Variants in NALF1 observed in about 807,000 individuals in gnomAD.
NALF1 encodes family with sequence similarity 155 member A.
NALF1 carries 3 observed loss-of-function variants against 48.4 expected under a neutral mutation model. That is an observed-to-expected ratio of 0.06 (90% confidence interval 0.03 to 0.16). NALF1 has a LOEUF of 0.16. NALF1 is among the 10% of genes least tolerant of loss of function. The probability of loss-of-function intolerance (pLI) is 1.00; values close to 1 mark genes in which losing one functional copy is unlikely to be tolerated. For synonymous variants in NALF1, 262 were observed against 245.7 expected, an observed-to-expected ratio of 1.07 and a Z score of -0.62; for missense variants, 526 against 571.5, an observed-to-expected ratio of 0.92 and a Z score of 0.81.
chr13:107,305,285 A>G (rs908681665), intron 1 of NALF1, among the ~76,000 whole-genome samples: 2 of 152,220 alleles, frequency 1.3e-5, no homozygotes, highest in African/African-American at 4.8e-5. Context: ...ATAATAAGTC[A>G]TAAAATCTCA....
intron 1 of NALF1, among the ~76,000 whole-genome samples, chr13:107,614,520 G>T (rs1236557417): frequency 6.6e-6 from 1 of 152,156 alleles, no homozygotes; most frequent in Non-Finnish European, 1.5e-5. Context: ...CAATAAGGCT[G>T]ATATGAAGAT....
At chr13:107,590,477 C>T (rs925210974) in intron 1 of NALF1, among the ~76,000 whole-genome samples, 23 of 151,920 alleles carry the variant, frequency 1.5e-4, no homozygotes, top group African/African-American at 4.8e-4. Context: ...TATAATAAAC[C>T]ATCTCCATTT....
At chr13:107,284,772 C>A (rs1332035218) in intron 1 of NALF1, among the ~76,000 whole-genome samples, 1 of 152,162 alleles carries the variant, frequency 6.6e-6, no homozygotes, top group Non-Finnish European at 1.5e-5. Flanking sequence ...CATGTGGGCA[C>A]AGAGCATGAC....
At chr13:107,294,170 A>G in intron 1 of NALF1, among the ~76,000 whole-genome samples, 1 of 152,154 alleles carries the variant, frequency 6.6e-6, no homozygotes, top group East Asian at 1.9e-4. Context: ...CCAGTCAAGG[A>G]ACATAGGGAA....
intron 1 of NALF1, among the ~76,000 whole-genome samples, chr13:107,611,490 T>C (rs576024379): frequency 1.8e-5 from 2 of 112,906 alleles, no homozygotes; most frequent in African/African-American, 6.5e-5. Flanking sequence ...ACATGGAATA[T>C]TATTGTAGCA....
intron 1 of NALF1, among the ~76,000 whole-genome samples, chr13:107,740,691 CTT>C (rs34091717): frequency 0.026 from 3,960 of 152,264 alleles, 60 homozygotes; most frequent in African/African-American, 0.046. Context: ...AATGTGCTCA[CTT>C]TGTTTCTGTG....
chr13:107,544,636 C>A (rs2139122705), intron 1 of NALF1, among the ~76,000 whole-genome samples: 2 of 152,212 alleles, frequency 1.3e-5, no homozygotes, highest in Middle Eastern at 3.4e-3. Context: ...TAGCCATGAC[C>A]CTTCACAGGA....
intron 1 of NALF1, among the ~76,000 whole-genome samples, chr13:107,234,765 G>A (rs1880305721): frequency 6.6e-6 from 1 of 152,002 alleles, no homozygotes; most frequent in African/African-American, 2.4e-5. Context: ...CTTCTCCTTT[G>A]CTTTAAGAAT....
At chr13:107,478,286 G>A (rs1014319041) in intron 1 of NALF1, among the ~76,000 whole-genome samples, 7 of 152,118 alleles carry the variant, frequency 4.6e-5, no homozygotes, top group Non-Finnish European at 7.4e-5. Flanking sequence ...AATACTTGTT[G>A]AAATGAATGT....
chr13:107,436,604 A>C (rs1385699166), intron 1 of NALF1, among the ~76,000 whole-genome samples: 2 of 152,130 alleles, frequency 1.3e-5, no homozygotes, highest in Non-Finnish European at 2.9e-5. Flanking sequence ...TCTACCAAAA[A>C]ATTAACAACT....
At chr13:107,293,278 C>A (rs181583494) in intron 1 of NALF1, among the ~76,000 whole-genome samples, 3 of 152,238 alleles carry the variant, frequency 2.0e-5, no homozygotes, top group Admixed American at 2.0e-4. Context: ...CCGCGCTCAG[C>A]CAACTCTGTT....
rs143519832 is a variant in NALF1, at chr13:107,374,804, A to G, written c.916-164049T>C. ...GTTTGGGCCCCTCTTGAACTCTCTC[A>G]CTCTCTCTCCCATGTTATGCTTTCC... On this transcript the variant is annotated intron_variant, in intron 1 of 2. Transcript: ENST00000375915. Among the ~76,000 whole-genome samples the G allele has an allele frequency of 1.9e-3, 291 of 151,956 alleles. 4 individuals are homozygous for G. Among genetic ancestry groups the G allele is most frequent in the African/African-American group, 6.6e-3 (274 of 41,446 alleles).
At chr13:107,226,739 C>T (rs1880115092) in intron 1 of NALF1, among the ~76,000 whole-genome samples, 1 of 152,194 alleles carries the variant, frequency 6.6e-6, no homozygotes. Flanking sequence ...GCACTCACTG[C>T]ATGCCAGCAA....
At chr13:107,598,543 T>C (rs1036599095) in intron 1 of NALF1, among the ~76,000 whole-genome samples, 1 of 152,194 alleles carries the variant, frequency 6.6e-6, no homozygotes, top group Non-Finnish European at 1.5e-5. Flanking sequence ...TTAATGTGTC[T>C]AAAACCAAAG....
chr13:107,646,290 TAA>T (rs80217872), intron 1 of NALF1, among the ~76,000 whole-genome samples: 6 of 132,302 alleles, frequency 4.5e-5, no homozygotes. Flanking sequence ...GCCAACTTCT[TAA>T]AAAAAAAAAA....
At position 107,539,485 on chromosome 13, in the gene NALF1, T is replaced by C. The variant is rs1345967115; in HGVS notation, c.915+326197A>G. Reference sequence around the variant, plus strand: ...GAGATTAGATTTCCAACACATGAATTTGGGGAACACATTCAAACACCTTCA... The same window carrying C: ...GAGATTAGATTTCCAACACATGAATCTGGGGAACACATTCAAACACCTTCA... On this transcript the variant is annotated intron_variant, in intron 1 of 2. Transcript: ENST00000375915. Among the ~76,000 whole-genome samples, 2 of 152,142 alleles carry C rather than the reference T, an allele frequency of 1.3e-5. 1 individual carries two copies. Among genetic ancestry groups the C allele is most frequent in the African/African-American group, 4.8e-5 (2 of 41,452 alleles).
chr13:107,603,785 T>A (rs544393941), intron 1 of NALF1, among the ~76,000 whole-genome samples: 1 of 152,188 alleles, frequency 6.6e-6, no homozygotes, highest in Non-Finnish European at 1.5e-5. Flanking sequence ...GCCAGCAGGA[T>A]TCTGGTGAAT....
intron 1 of NALF1, among the ~76,000 whole-genome samples, chr13:107,529,281 C>T (rs1830754): frequency 0.16 from 24,440 of 152,030 alleles, 2,328 homozygotes; most frequent in East Asian, 0.26. Flanking sequence ...AGCAGAGAAA[C>T]GAGACCATAG....
At chr13:107,364,743 A>C (rs1426697682) in intron 1 of NALF1, among the ~76,000 whole-genome samples, 2 of 152,304 alleles carry the variant, frequency 1.3e-5, no homozygotes, top group East Asian at 3.9e-4. Flanking sequence ...GTAATACAGA[A>C]AGGGGGTCAG....
Sources: allele counts gnomAD v4.1 joint callset (sites outside exome capture counted in the v4.1 genomes callset), GRCh38; gene constraint gnomAD v4.1.1; transcripts MANE v1.5; gene names NCBI Gene and HGNC (gene_info 2026-07-23, HGNC 2026-07-21).